Variants in NEO1 observed in about 807,000 individuals in gnomAD.
The protein encoded by NEO1 is neogenin 1.
In NEO1, 63 loss-of-function variants were observed where a neutral mutation model predicts 159.7. The observed-to-expected ratio is 0.39, with a 90% CI of 0.32 to 0.49. The LOEUF is 0.49. Ranked by LOEUF, NEO1 falls within the 20% of genes least tolerant of loss-of-function variation. The pLI is 0.85. For synonymous variants in NEO1, 633 were observed against 662.0 expected, an observed-to-expected ratio of 0.96 and a Z score of 0.67; for missense variants, 1,615 against 1,831.0, an observed-to-expected ratio of 0.88 and a Z score of 2.15.
At chr15:73,120,751 TG>T (rs2071599418) in intron 2 of NEO1, among the ~76,000 whole-genome samples, 1 of 152,108 alleles carries the variant, frequency 6.6e-6, no homozygotes, top group Non-Finnish European at 1.5e-5. Flanking sequence ...GTGGTGGTGT[TG>T]GGATTCAGAT....
rs773936156 is a variant in NEO1, at chr15:73,236,284, A to G, written c.1292-63A>G. On this transcript the variant is annotated intron_variant, in intron 7 of 28. Transcript: ENST00000261908. ...ATATTCCCCAATGTTTGCACATGAC[A>G]AGATGTTGCCATCCCAACATTACCT... 16 of 1,611,944 alleles carry G rather than the reference A, an allele frequency of 9.9e-6. No individual in the cohort carries two copies. The Admixed American group carries it at 1.2e-4, about 12-fold the overall frequency.
At chr15:73,225,227 C>T (rs1001782644) in intron 7 of NEO1, among the ~76,000 whole-genome samples, 1 of 152,110 alleles carries the variant, frequency 6.6e-6, no homozygotes, top group Non-Finnish European at 1.5e-5. Context: ...GAAATGGACT[C>T]TGTGAGAGTT....
chr15:73,206,536 T>C (rs1015929320), intron 7 of NEO1, among the ~76,000 whole-genome samples: 3 of 152,268 alleles, frequency 2.0e-5, no homozygotes, highest in Middle Eastern at 6.8e-3. Flanking sequence ...TGTGGCTCAA[T>C]AGGAGCAGAA....
chr15:73,077,386 A>T (rs2068824904), intron 1 of NEO1, among the ~76,000 whole-genome samples: 1 of 152,158 alleles, frequency 6.6e-6, no homozygotes, highest in Non-Finnish European at 1.5e-5. Context: ...TTTAAACACA[A>T]ATTAAACTAG....
chr15:73,195,749 G>A (rs1054870491), intron 7 of NEO1, among the ~76,000 whole-genome samples: 1 of 152,050 alleles, frequency 6.6e-6, no homozygotes, highest in Non-Finnish European at 1.5e-5. Context: ...TTCTGGTTTG[G>A]TGATGATTTT....
At chr15:73,153,675 G>A (rs2033557192) in intron 5 of NEO1, among the ~76,000 whole-genome samples, 1 of 152,176 alleles carries the variant, frequency 6.6e-6, no homozygotes, top group Non-Finnish European at 1.5e-5. Flanking sequence ...TACTTTAAAT[G>A]TAAATAATGC....
intron 1 of NEO1, among the ~76,000 whole-genome samples, chr15:73,085,899 C>G (rs2069329346): frequency 6.6e-6 from 1 of 151,954 alleles, no homozygotes; most frequent in South Asian, 2.1e-4. Flanking sequence ...CCCAGTCTGT[C>G]TTTTTATACT....
chr15:73,169,031 A>G (rs948648983), intron 5 of NEO1, among the ~76,000 whole-genome samples: 1 of 152,210 alleles, frequency 6.6e-6, no homozygotes, highest in Non-Finnish European at 1.5e-5. Flanking sequence ...ATGAAACAAT[A>G]GAAACTCCAA....
chr15:73,183,030 C>T (rs1480674603), intron 7 of NEO1, among the ~76,000 whole-genome samples: 1 of 152,156 alleles, frequency 6.6e-6, no homozygotes, highest in Non-Finnish European at 1.5e-5. Flanking sequence ...CCAACTATGG[C>T]CTAATTTGGA....
At chr15:73,169,269 A>T (rs574960482) in intron 5 of NEO1, among the ~76,000 whole-genome samples, 22 of 152,320 alleles carry the variant, frequency 1.4e-4, no homozygotes, top group African/African-American at 5.0e-4. Flanking sequence ...AATTAAAATT[A>T]TTCCTGAAAT....
chr15:73,297,434 A>C (rs1357722456), intron 26 of NEO1, among the ~76,000 whole-genome samples: 1 of 152,244 alleles, frequency 6.6e-6, no homozygotes, highest in Non-Finnish European at 1.5e-5. Flanking sequence ...TAGATATTCA[A>C]GCACCGTGTT....
intron 7 of NEO1, among the ~76,000 whole-genome samples, chr15:73,199,402 G>GA (rs1199896721): frequency 6.6e-6 from 1 of 151,668 alleles, no homozygotes; most frequent in Non-Finnish European, 1.5e-5. Flanking sequence ...CTATACTTTG[G>GA]AAAAAAGTCA....
At chr15:73,152,464 A>C (rs1174640869) in intron 5 of NEO1, among the ~76,000 whole-genome samples, 2 of 152,240 alleles carry the variant, frequency 1.3e-5, no homozygotes, top group South Asian at 4.1e-4. Context: ...AGGACATGGA[A>C]GCTCTGCGCC....
chr15:73,068,226 C>T (rs554767427), intron 1 of NEO1, among the ~76,000 whole-genome samples: 2 of 107,784 alleles, frequency 1.9e-5, no homozygotes, highest in African/African-American at 5.7e-5. Context: ...TCCCCCTACC[C>T]CCCCCCCTTT....
chr15:73,079,599 AT>A (rs1361666369), intron 1 of NEO1, among the ~76,000 whole-genome samples: 1 of 152,178 alleles, frequency 6.6e-6, no homozygotes, highest in Non-Finnish European at 1.5e-5. Flanking sequence ...CTAAATTCAT[AT>A]GTATTTTCAA....
At chr15:73,130,308 GC>G (rs71281951) in intron 4 of NEO1, among the ~76,000 whole-genome samples, 2 of 146,160 alleles carry the variant, frequency 1.4e-5, no homozygotes, top group East Asian at 2.0e-4. Context: ...TCAGTTTCCC[GC>G]CCCCCCCGCC....
chr15:73,289,356 C>T lies in NEO1; in HGVS notation c.3742+118C>T, dbSNP rs1401470965. ...CTAACACAAAGATAATCTACCAAAGCTTTGACACCTTGAAGGAGGAAGTAC... is the reference window on the plus strand; with the variant it reads ...CTAACACAAAGATAATCTACCAAAGTTTTGACACCTTGAAGGAGGAAGTAC... On this transcript the variant is annotated intron_variant, in intron 25 of 28. Coordinates refer to ENST00000261908, the MANE Select transcript of NEO1 (RefSeq NM_002499.4). 3.5e-6 allele frequency: 3 copies of T among 846,926 alleles called. No homozygotes were observed. The East Asian group carries it at 8.1e-5, about 23-fold the overall frequency. The allele number at this position is 846,926 out of a possible 1,614,324, so 52.5% of individuals were successfully genotyped here. A position where few individuals can be genotyped will look rare whatever the true frequency, so the allele number is the denominator to read the frequency against.
chr15:73,204,558 A>G (rs2037105380), intron 7 of NEO1, among the ~76,000 whole-genome samples: 1 of 151,818 alleles, frequency 6.6e-6, no homozygotes, highest in Non-Finnish European at 1.5e-5. Context: ...CCCACGTTGA[A>G]TCTACTGATG....
At position 73,236,388 on chromosome 15, in the gene NEO1, G is replaced by A. The variant is rs771783089; in HGVS notation, c.1333G>A (p.Val445Ile). ...ACCACTGCCTTCAGCTCCTCGGGATGTCGTGGCCTCCCTGGTCTCTACCCG... is the reference window on the plus strand; with the variant it reads ...ACCACTGCCTTCAGCTCCTCGGGATATCGTGGCCTCCCTGGTCTCTACCCG... The part of the protein sequence containing the change: ...TGPLPSAPRD[V>I]VASLVSTRFI... Residue 445 changes from valine (V) to isoleucine (I), a missense_variant, in exon 8 of 29, where the codon GTC becomes ATC. Val to Ile is a conservative substitution (Grantham distance 29). Coordinates refer to ENST00000261908, the MANE Select transcript of NEO1 (RefSeq NM_002499.4). 3 of 1,614,160 alleles carry A rather than the reference G, an allele frequency of 1.9e-6. No individual in the cohort carries two copies. Among genetic ancestry groups the A allele is most frequent in the Non-Finnish European group, 2.5e-6 (3 of 1,180,024 alleles).
Sources: allele counts gnomAD v4.1 joint callset (sites outside exome capture counted in the v4.1 genomes callset), GRCh38; gene constraint gnomAD v4.1.1; transcripts MANE v1.5; gene names NCBI Gene and HGNC (gene_info 2026-07-23, HGNC 2026-07-21).